The following NTN4 variants were observed in gnomAD, a reference collection of about 807,000 sequenced individuals.
NTN4 encodes netrin-4.
NTN4 carries 32 observed loss-of-function variants against 73.6 expected under a neutral mutation model. That is an observed-to-expected ratio of 0.44 (90% confidence interval 0.33 to 0.58). The LOEUF (loss-of-function observed/expected upper bound fraction) is 0.58, where lower values mean the gene tolerates loss of function less well. NTN4 is among the 20% of genes least tolerant of loss of function. The probability of loss-of-function intolerance (pLI) is 0.04; values close to 1 mark genes in which losing one functional copy is unlikely to be tolerated. For synonymous variants in NTN4, 258 were observed against 287.5 expected (o/e 0.90, Z 1.04); for missense variants, 654 against 798.3 (o/e 0.82, Z 2.18).
At chr12:95,679,987 T>C (rs1263723949) in intron 7 of NTN4, among the ~76,000 whole-genome samples, 2 of 152,160 alleles carry the variant, frequency 1.3e-5, no homozygotes, top group Non-Finnish European at 2.9e-5. Flanking sequence ...CTAGCCTTCT[T>C]ACCTCCTTCA....
At chr12:95,780,744 G>A (rs578088814) in intron 2 of NTN4, among the ~76,000 whole-genome samples, 6 of 152,304 alleles carry the variant, frequency 3.9e-5, no homozygotes, top group Admixed American at 6.5e-5. Flanking sequence ...ACACTGTGGC[G>A]ATTCCTCAGG....
chr12:95,733,003 C>T (rs969211556), intron 3 of NTN4, among the ~76,000 whole-genome samples: 6 of 152,156 alleles, frequency 3.9e-5, no homozygotes, highest in South Asian at 2.1e-4. Context: ...CAGACTTAGA[C>T]GCATCAGTCA....
intron 4 of NTN4, among the ~76,000 whole-genome samples, chr12:95,711,358 C>A (rs954720504): frequency 4.6e-5 from 7 of 152,162 alleles, no homozygotes; most frequent in Non-Finnish European, 1.0e-4. Flanking sequence ...CAGTTTTTTA[C>A]CCTCTCTTTT....
Position 95,683,517 on chromosome 12 carries a change from T to C in NTN4, c.1375A>G (p.Thr459Ala), listed in dbSNP as rs1194755362. The part of the protein sequence containing the change: ...CDCAGSCDPI[T>A]GDCISSHTDI... ...ATTCACCTGCTGATGCAGTCTCCGGTGATAGGGTCACAGCTCCCCGCACAG... is the reference window on the plus strand; with the variant it reads ...ATTCACCTGCTGATGCAGTCTCCGGCGATAGGGTCACAGCTCCCCGCACAG... The change falls in exon 6 of 10, where the codon ACC becomes GCC. Residue 459 changes from threonine to alanine, a missense_variant. Coordinates refer to ENST00000343702, the MANE Select transcript of NTN4 (RefSeq NM_021229.4). 5 of 1,613,936 alleles carry C rather than the reference T, an allele frequency of 3.1e-6. No individual in the cohort carries two copies. The South Asian group carries it at 5.5e-5, about 18-fold the overall frequency.
At chr12:95,771,098 T>C (rs1592715065) in intron 2 of NTN4, among the ~76,000 whole-genome samples, 1 of 151,256 alleles carries the variant, frequency 6.6e-6, no homozygotes, top group African/African-American at 2.4e-5. Flanking sequence ...CACGCCATTC[T>C]CCTGCCTCAG....
chr12:95,752,049 A>AT (rs1156444101), intron 2 of NTN4, among the ~76,000 whole-genome samples: 6 of 151,218 alleles, frequency 4.0e-5, no homozygotes, highest in South Asian at 2.1e-4. Context: ...CTCCTCTTGT[A>AT]TCCCCCCACC....
chr12:95,670,172 GTTAGTTA>G (rs778493923), intron 7 of NTN4, 26 bp from the exon 8 acceptor site: 1 of 728,170 alleles, frequency 1.4e-6, no homozygotes, highest in Non-Finnish European at 2.1e-6. Context: ...TAAAAATGGT[GTTAGTTA>G]TTAGAAAAGC....
Position 95,710,476 on chromosome 12 carries a change from A to C in NTN4, c.1145T>G (p.Leu382Arg), listed in dbSNP as rs764898569. ...ATCTGGAGCTGAGAAGGGTCTCCGC[A>C]GGTCACGATAGAAGCCTGGCTTGCA... ...QRCKPGFYRD[L>R]RRPFSAPDAC... The change falls in exon 5 of 10, where the codon CTG becomes CGG. Residue 382 changes from leucine to arginine, a missense_variant. Transcript: ENST00000343702. 1.2e-6 allele frequency: 2 copies of C among 1,614,080 alleles called. No individual in the cohort carries two copies.
At chr12:95,702,308 GAA>G (rs558357623) in intron 5 of NTN4, among the ~76,000 whole-genome samples, 10 of 118,508 alleles carry the variant, frequency 8.4e-5, no homozygotes, top group South Asian at 8.1e-4. Flanking sequence ...CAAAAAAAAA[GAA>G]AAAAAAAAAA....
chr12:95,726,063 T>C (rs2078691505), intron 3 of NTN4, among the ~76,000 whole-genome samples: 1 of 152,056 alleles, frequency 6.6e-6, no homozygotes, highest in African/African-American at 2.4e-5. Flanking sequence ...TGTTTTTCTG[T>C]TTTTGTTTGG....
rs2078402112 is a variant in NTN4, at chr12:95,691,646, C to T, written c.1181-7935G>A. ...CTGACCTCAAGTGATCCACCTGCCT[C>T]AGCCTCCCAAAGTGTTGGGATTACA... On this transcript the variant is annotated intron_variant, in intron 5 of 9. Transcript: ENST00000343702. Among the ~76,000 whole-genome samples the T allele has an allele frequency of 1.3e-5, 2 of 152,226 alleles. 1 individual carries two copies. Among genetic ancestry groups the T allele is most frequent in the Non-Finnish European group, 2.9e-5 (2 of 68,036 alleles).
intron 7 of NTN4, chr12:95,672,291 C>T: frequency 1.3e-6 from 1 of 765,454 alleles, no homozygotes; most frequent in Non-Finnish European, 2.4e-6. Flanking sequence ...GCACTGCCTC[C>T]CAAGCCCGCC....
Position 95,747,618 on chromosome 12 carries a change from G to T in NTN4, c.586-9474C>A, listed in dbSNP as rs117865891. On this transcript the variant is annotated intron_variant, in intron 2 of 9. Transcript: ENST00000343702. ...TGTGCTTGGACTATTTATATTTTTT[G>T]TGTGTGTGTTTATGCTATGTTTTGA... Among the ~76,000 whole-genome samples, 534 of 152,016 alleles carry T rather than the reference G, an allele frequency of 3.5e-3. 4 individuals are homozygous for T. The East Asian group carries it at 0.036, about 10-fold the overall frequency.
chr12:95,664,779 A>T (rs2078167000), intron 9 of NTN4, among the ~76,000 whole-genome samples: 1 of 151,890 alleles, frequency 6.6e-6, no homozygotes, highest in African/African-American at 2.4e-5. Context: ...TACTGGGCTA[A>T]TTTTTGTATT....
At chr12:95,738,610 A>G (rs747769497) in intron 2 of NTN4, among the ~76,000 whole-genome samples, 12 of 152,246 alleles carry the variant, frequency 7.9e-5, no homozygotes, top group Non-Finnish European at 1.8e-4. Flanking sequence ...CAGTAGAGTT[A>G]TGCTGACTGT....
chr12:95,706,310 A>G (rs1268462442), intron 5 of NTN4, among the ~76,000 whole-genome samples: 1 of 152,210 alleles, frequency 6.6e-6, no homozygotes, highest in Non-Finnish European at 1.5e-5. Flanking sequence ...AAAACAAAAT[A>G]AACAAAAAGG....
intron 2 of NTN4, among the ~76,000 whole-genome samples, chr12:95,769,629 G>A (rs4558233): frequency 0.24 from 36,958 of 151,144 alleles, 5,264 homozygotes; most frequent in Admixed American, 0.44. Flanking sequence ...ACAGGTTGGC[G>A]TTTGCCTTAT....
Position 95,683,705 on chromosome 12 carries a change from G to A in NTN4, c.1187C>T (p.Ser396Phe), listed in dbSNP as rs1173478478. The A allele has an allele frequency of 2.5e-6, 4 of 1,603,356 alleles. No individual in the cohort carries two copies. In the African/African-American group the frequency reaches 5.4e-5, roughly 21 times the overall value. The stretch of plus-strand genomic sequence containing the variant: ...GACAGCTGATCCTACTGGATGGCAG[G>A]AACACGCTACAACAGAGAGGACACG... ...FSAPDACKPC[S>F]CHPVGSAVLP... The change falls in exon 6 of 10, where the codon TCC becomes TTC. Residue 396 changes from serine (S) to phenylalanine (F), a missense_variant. Coordinates refer to ENST00000343702, the MANE Select transcript of NTN4 (RefSeq NM_021229.4).
chr12:95,721,937 C>T (rs1273443299), intron 3 of NTN4, among the ~76,000 whole-genome samples: 1 of 152,164 alleles, frequency 6.6e-6, no homozygotes, highest in African/African-American at 2.4e-5. Context: ...TGCGCGCACA[C>T]ACACACTCAC....
Sources: allele counts gnomAD v4.1 joint callset (sites outside exome capture counted in the v4.1 genomes callset), GRCh38; gene constraint gnomAD v4.1.1; transcripts MANE v1.5; gene names NCBI Gene and HGNC (gene_info 2026-07-23, HGNC 2026-07-21).